The following SIMC1 variants were observed in gnomAD, a reference collection of about 807,000 sequenced individuals.
The protein encoded by SIMC1 is SUMO interacting motifs containing 1.
In SIMC1, 55 loss-of-function variants were observed where a neutral mutation model predicts 82.3. The ratio of observed to expected loss-of-function variants is 0.67; its 90% confidence interval spans 0.54 to 0.84. The LOEUF (loss-of-function observed/expected upper bound fraction) is 0.84, where lower values mean the gene tolerates loss of function less well. SIMC1 is among the 40% of genes least tolerant of loss of function. The pLI is 0.00. For missense variants in SIMC1, 915 were observed against 1,107.2 expected, an observed-to-expected ratio of 0.83 and a Z score of 2.46; for synonymous variants, 353 against 426.3, an observed-to-expected ratio of 0.83 and a Z score of 2.12.
chr5:176,246,904 C>A (rs1761467436), intron 1 of SIMC1, among the ~76,000 whole-genome samples: 1 of 152,070 alleles, frequency 6.6e-6, no homozygotes, highest in Non-Finnish European at 1.5e-5. Context: ...ATGATGGTTT[C>A]CAGCTTCATC....
chr5:176,325,301 C>T (rs574853300), intron 7 of SIMC1, among the ~76,000 whole-genome samples: 21 of 152,056 alleles, frequency 1.4e-4, no homozygotes, highest in Admixed American at 7.2e-4. Flanking sequence ...ACACGAAAAT[C>T]GCTTGAACCA....
intron 1 of SIMC1, among the ~76,000 whole-genome samples, chr5:176,263,705 T>G (rs1012777555): frequency 1.3e-5 from 2 of 152,184 alleles, no homozygotes; most frequent in African/African-American, 2.4e-5. Context: ...ATATCCAAAC[T>G]ATTATTCTTT....
intron 1 of SIMC1, among the ~76,000 whole-genome samples, chr5:176,285,796 G>C (rs1581254315): frequency 6.6e-6 from 1 of 152,272 alleles, no homozygotes; most frequent in South Asian, 2.1e-4. Context: ...AAAGTCTCAG[G>C]ATACAAAATC....
In SIMC1 at chr5:176,290,107, A is replaced by G. The variant is rs1484798975; in HGVS notation, c.583A>G (p.Ser195Gly). The G allele has an allele frequency of 1.2e-6, 2 of 1,603,470 alleles. No individual in the cohort carries two copies. The highest frequency in any genetic ancestry group is 1.3e-5 in the African/African-American group (1 of 74,608). The change falls in exon 2 of 10, where the codon AGC (serine) becomes GGC (glycine). Residue 195 changes from serine (S) to glycine (G), a missense_variant. Physicochemically the swap from Ser to Gly is moderately conservative, Grantham distance 56. This residue lies in a region of SIMC1 where 902 missense variants were observed against 1,040.3 expected (regional missense o/e 0.87). Coordinates refer to ENST00000429602, the MANE Select transcript of SIMC1 (RefSeq NM_001308195.2). ...CCCAACAAGCAATAATAGTAGGAGC[A>G]GCAGCAGCAGCAGCAATCAAAAAGC... ...LSPTSNNSRS[S>G]SSSSNQKAPL...
intron 7 of SIMC1, among the ~76,000 whole-genome samples, chr5:176,335,416 A>G (rs1419974658): frequency 6.6e-6 from 1 of 151,064 alleles, no homozygotes; most frequent in Non-Finnish European, 1.5e-5. Context: ...AGCTGGGACT[A>G]CAGGTGCACA....
chr5:176,321,186 A>G (rs1260338684), intron 5 of SIMC1, among the ~76,000 whole-genome samples: 5 of 152,150 alleles, frequency 3.3e-5, no homozygotes, highest in African/African-American at 4.8e-5. Flanking sequence ...CTTTAGCTCT[A>G]TATTAAAAGG....
chr5:176,246,712 A>G (rs957398354), intron 1 of SIMC1, among the ~76,000 whole-genome samples: 15 of 151,956 alleles, frequency 9.9e-5, no homozygotes, highest in Non-Finnish European at 2.1e-4. Flanking sequence ...TGCACTTATC[A>G]ACCCATCATC....
chr5:176,319,568 G>A (rs754684709), intron 5 of SIMC1, among the ~76,000 whole-genome samples: 3 of 152,090 alleles, frequency 2.0e-5, no homozygotes, highest in Non-Finnish European at 2.9e-5. Context: ...GCTCAGGCCT[G>A]TAATCCTAGC....
intron 4 of SIMC1, among the ~76,000 whole-genome samples, chr5:176,303,483 G>A (rs182384185): frequency 1.1e-3 from 162 of 152,082 alleles, no homozygotes; most frequent in African/African-American, 3.6e-3. Flanking sequence ...CACCATGCCC[G>A]GCTAATTTTG....
intron 7 of SIMC1, among the ~76,000 whole-genome samples, chr5:176,329,713 G>A (rs568126109): frequency 3.3e-5 from 5 of 151,952 alleles, no homozygotes; most frequent in Admixed American, 1.3e-4. Flanking sequence ...TTTCTTTTTC[G>A]CAGAGATATA....
At chr5:176,282,402 G>A (rs13176953) in intron 1 of SIMC1, among the ~76,000 whole-genome samples, 77,582 of 152,084 alleles carry the variant, frequency 0.51, 20,973 homozygotes, top group Middle Eastern at 0.62. Flanking sequence ...GCAATGCCTC[G>A]CCCTGCTTCG....
In SIMC1 at chr5:176,344,446, G is replaced by A. The variant is rs187057590; in HGVS notation, c.2414-737G>A. The stretch of plus-strand genomic sequence containing the variant: ...AGCACTTTGGGAGGCCGAGGCTTGC[G>A]GATCACTTGAGGTCAGGAGTATACA... On this transcript the variant is annotated intron_variant, in intron 9 of 9. Coordinates refer to ENST00000429602, the MANE Select transcript of SIMC1 (RefSeq NM_001308195.2). 4.9e-3 allele frequency among the ~76,000 whole-genome samples: 730 copies of A among 149,404 alleles called. 10 individuals carry two copies. The highest frequency in any genetic ancestry group is 0.016 in the African/African-American group (665 of 40,552).
chr5:176,293,417 AC>A, intron 2 of SIMC1, among the ~76,000 whole-genome samples: 1 of 151,942 alleles, frequency 6.6e-6, no homozygotes, highest in Non-Finnish European at 1.5e-5. Flanking sequence ...CGTGGGCGAC[AC>A]AGCGAGACCC....
chr5:176,312,352 A>G (rs1278278674), intron 4 of SIMC1, among the ~76,000 whole-genome samples: 2 of 152,112 alleles, frequency 1.3e-5, no homozygotes, highest in Non-Finnish European at 2.9e-5. Flanking sequence ...CCTCACCATT[A>G]TGGTGCAACC....
chr5:176,308,980 A>G, intron 4 of SIMC1: 2 of 888,526 alleles, frequency 2.3e-6, no homozygotes, highest in South Asian at 2.6e-5. Flanking sequence ...AAGAAAAGGA[A>G]GAGCTTATGC....
intron 3 of SIMC1, among the ~76,000 whole-genome samples, chr5:176,295,504 C>T (rs1763775570): frequency 6.6e-6 from 1 of 152,164 alleles, no homozygotes; most frequent in South Asian, 2.1e-4. Flanking sequence ...ATTCAGTATA[C>T]AAAAATGGTT....
In SIMC1 at chr5:176,273,371, C is replaced by T. The variant is rs1280221763; in HGVS notation, c.130-16283C>T. The stretch of plus-strand genomic sequence containing the variant: ...TCCAACAAACCTACAGCTAAGGGTC[C>T]TGACTGTTAGAAGGAAAACTAACAA... On this transcript the variant is annotated intron_variant, in intron 1 of 9. Transcript: ENST00000429602. Among the ~76,000 whole-genome samples, 10 of 152,300 alleles carry T rather than the reference C, an allele frequency of 6.6e-5. No homozygotes were observed. In the South Asian group the frequency reaches 2.1e-3, roughly 32 times the overall value.
intron 8 of SIMC1, 61 bp from the exon 9 acceptor site, chr5:176,337,001 C>G: frequency 1.9e-6 from 3 of 1,603,938 alleles, no homozygotes; most frequent in Admixed American, 3.4e-5. Flanking sequence ...GAATTGAAAA[C>G]TGTACAAAAA....
chr5:176,332,404 C>T (rs1031976060), intron 7 of SIMC1, among the ~76,000 whole-genome samples: 1 of 152,260 alleles, frequency 6.6e-6, no homozygotes, highest in East Asian at 1.9e-4. Flanking sequence ...GATTCTCCTG[C>T]CTCAGCCTCC....
Sources: allele counts gnomAD v4.1 joint callset (sites outside exome capture counted in the v4.1 genomes callset), GRCh38; gene constraint gnomAD v4.1.1; regional missense constraint gnomAD v4.1.1; transcripts MANE v1.5; gene names NCBI Gene and HGNC (gene_info 2026-07-23, HGNC 2026-07-21).